The following TSC22D1 variants were observed in gnomAD, a reference collection of about 807,000 sequenced individuals.
TSC22D1 encodes TSC22 domain family member 1.
A neutral mutation model predicts 74.2 loss-of-function variants in TSC22D1; 9 were observed. The ratio of observed to expected loss-of-function variants is 0.12; its 90% confidence interval spans 0.07 to 0.21. The LOEUF (loss-of-function observed/expected upper bound fraction) is 0.21. Ranked by LOEUF, TSC22D1 falls within the 10% of genes least tolerant of loss-of-function variation. The pLI is 1.00. For synonymous variants in TSC22D1, 586 were observed against 492.5 expected (o/e 1.19, Z -2.51); for missense variants, 1,427 against 1,304.7 (o/e 1.09, Z -1.44).
intron 1 of TSC22D1, among the ~76,000 whole-genome samples, chr13:44,517,788 T>TAC (rs368042329): frequency 2.9e-5 from 2 of 68,558 alleles, no homozygotes; most frequent in African/African-American, 8.3e-5. Flanking sequence ...CACATATATA[T>TAC]ACATATATAT....
intron 1 of TSC22D1, 44 bp from the exon 2 acceptor site, chr13:44,436,139 T>C: frequency 1.3e-6 from 2 of 1,593,500 alleles, no homozygotes; most frequent in Non-Finnish European, 1.7e-6. Context: ...ATGGAATTTA[T>C]CTTAAGCTTC....
chr13:44,435,723 G>A (rs1874538916), intron 2 of TSC22D1: 2 of 408,274 alleles, frequency 4.9e-6, no homozygotes, highest in African/African-American at 2.1e-5. Flanking sequence ...CGCTAAAGGT[G>A]TGCTCACGAC....
intron 1 of TSC22D1, among the ~76,000 whole-genome samples, chr13:44,478,607 C>T (rs1213421295): frequency 6.6e-6 from 1 of 152,146 alleles, no homozygotes; most frequent in Admixed American, 6.5e-5. Flanking sequence ...TCATGCATAG[C>T]AATTCTTTAC....
intron 1 of TSC22D1, among the ~76,000 whole-genome samples, chr13:44,570,000 C>T (rs919292572): frequency 2.0e-5 from 3 of 152,076 alleles, no homozygotes; most frequent in Non-Finnish European, 2.9e-5. Flanking sequence ...ACAATGTCCC[C>T]TGAGTGAAAA....
At chr13:44,528,718 T>C (rs1417018651) in intron 1 of TSC22D1, among the ~76,000 whole-genome samples, 1 of 151,990 alleles carries the variant, frequency 6.6e-6, no homozygotes, top group Non-Finnish European at 1.5e-5. Flanking sequence ...AACCAAAATC[T>C]AGTTCTTTGA....
rs574017086 is a variant in TSC22D1, at chr13:44,575,334, T to C, written c.741A>G (p.Ala247=). 1.1e-5 allele frequency: 18 copies of C among 1,614,194 alleles called. No homozygotes were observed. The highest frequency in any genetic ancestry group is 1.5e-5 in the Non-Finnish European group (18 of 1,180,016). ...TTGAGGGTGGCCCACCAGTAATGGA[T>C]GCACTGGCCACAGCAACATGAGATG... ...HHPSHVAVAS[A]SITGGPPSSP... The change falls in exon 1 of 3, where the codon GCA becomes GCG. Residue 247 remains alanine, a synonymous_variant. Transcript: ENST00000458659.
At chr13:44,498,900 T>C (rs1879098368) in intron 1 of TSC22D1, among the ~76,000 whole-genome samples, 1 of 152,210 alleles carries the variant, frequency 6.6e-6, no homozygotes, top group Admixed American at 6.5e-5. Flanking sequence ...CACGAAAGAA[T>C]ACTTTTTAAT....
chr13:44,514,352 CTT>C (rs1483143589), intron 1 of TSC22D1, among the ~76,000 whole-genome samples: 5 of 151,786 alleles, frequency 3.3e-5, no homozygotes, highest in Non-Finnish European at 7.4e-5. Context: ...TAAAAGGAAA[CTT>C]TGATGAATTT....
intron 1 of TSC22D1, among the ~76,000 whole-genome samples, chr13:44,558,986 A>G (rs35030979): frequency 4.7e-3 from 718 of 152,346 alleles, no homozygotes; most frequent in Non-Finnish European, 7.8e-3. Flanking sequence ...ACAAATGTAT[A>G]AATCCTGCTA....
rs182660807 is a variant in TSC22D1, at chr13:44,466,885, G to A, written c.2913-30790C>T. ...ATTAGCAACAATAACTGCTATGGCC[G>A]GGCATGGTGGCTCAAGCCTGTAATC... On this transcript the variant is annotated intron_variant, in intron 1 of 2. Transcript: ENST00000458659. Among the ~76,000 whole-genome samples, 67 of 152,166 alleles carry A rather than the reference G, an allele frequency of 4.4e-4. 2 individuals carry two copies. In the East Asian group the frequency reaches 7.4e-3, roughly 17 times the overall value.
intron 1 of TSC22D1, among the ~76,000 whole-genome samples, chr13:44,499,862 G>A (rs531468073): frequency 2.0e-5 from 3 of 152,222 alleles, no homozygotes; most frequent in East Asian, 3.9e-4. Flanking sequence ...TGAGGCAGGC[G>A]GGTCACCTGA....
At chr13:44,541,471 G>A (rs1342647374) in intron 1 of TSC22D1, among the ~76,000 whole-genome samples, 1 of 152,062 alleles carries the variant, frequency 6.6e-6, no homozygotes, top group Non-Finnish European at 1.5e-5. Flanking sequence ...AAACTGGAAA[G>A]AAGAAGGTGA....
chr13:44,493,670 A>T (rs577093953), intron 1 of TSC22D1, among the ~76,000 whole-genome samples: 1 of 152,212 alleles, frequency 6.6e-6, no homozygotes, highest in Non-Finnish European at 1.5e-5. Context: ...CATCTTGCTG[A>T]TCTTTAGGCT....
Position 44,573,221 on chromosome 13 carries a change from GAGA to G in TSC22D1, c.2851_2853del (p.Ser951del). ...AGCGGTAGCACCTTCAACGGGAAAA[GAGA>G]AGCAGAGGCTGCTAGGCTGCTGCTA... On this transcript the variant is annotated inframe_deletion, in exon 1 of 3. Coordinates refer to ENST00000458659, the MANE Select transcript of TSC22D1 (RefSeq NM_183422.4). 5.6e-6 allele frequency: 9 copies of G among 1,614,230 alleles called. No homozygotes were observed. Among genetic ancestry groups the G allele is most frequent in the South Asian group, 1.1e-5 (1 of 91,084 alleles).
At chr13:44,518,783 A>G (rs1880171615) in intron 1 of TSC22D1, among the ~76,000 whole-genome samples, 1 of 152,204 alleles carries the variant, frequency 6.6e-6, no homozygotes, top group African/African-American at 2.4e-5. Context: ...CCTTAATCAG[A>G]TGGTCTCCCA....
chr13:44,508,060 T>G (rs1190584901), intron 1 of TSC22D1, among the ~76,000 whole-genome samples: 1 of 152,176 alleles, frequency 6.6e-6, no homozygotes, highest in African/African-American at 2.4e-5. Flanking sequence ...TTATAATAGA[T>G]TTGGAGGGAA....
At chr13:44,534,430 T>C (rs1218731297) in intron 1 of TSC22D1, among the ~76,000 whole-genome samples, 1 of 151,320 alleles carries the variant, frequency 6.6e-6, no homozygotes, top group Non-Finnish European at 1.5e-5. Context: ...AAAAACATGA[T>C]GCAGGATTAC....
chr13:44,538,524 G>T lies in TSC22D1; in HGVS notation c.2912+34639C>A, dbSNP rs911369930. On this transcript the variant is annotated intron_variant, in intron 1 of 2. Coordinates refer to ENST00000458659, the MANE Select transcript of TSC22D1 (RefSeq NM_183422.4). Reference sequence around the variant, plus strand: ...TTTCAATCCCACAAATGTTTTAAATGAAACAGATACAGAGAGCCGCTTTTA... The same window carrying T: ...TTTCAATCCCACAAATGTTTTAAATTAAACAGATACAGAGAGCCGCTTTTA... 4 of 985,182 alleles carry T rather than the reference G, an allele frequency of 4.1e-6. No homozygotes were observed. The African/African-American group carries it at 7.0e-5, about 17-fold the overall frequency. The allele number at this position is 985,182 out of a possible 1,614,324, so 61.0% of individuals were successfully genotyped here. A position where few individuals can be genotyped will look rare whatever the true frequency, so the allele number is the denominator to read the frequency against.
intron 1 of TSC22D1, among the ~76,000 whole-genome samples, chr13:44,459,398 C>T (rs575506596): frequency 6.6e-5 from 10 of 152,292 alleles, no homozygotes; most frequent in African/African-American, 2.2e-4. Flanking sequence ...CTTATTGGCA[C>T]GACCTGCCTG....
Sources: allele counts gnomAD v4.1 joint callset (sites outside exome capture counted in the v4.1 genomes callset), GRCh38; gene constraint gnomAD v4.1.1; transcripts MANE v1.5; gene names NCBI Gene and HGNC (gene_info 2026-07-23, HGNC 2026-07-21).